SLC36A1: variants seen among roughly 807,000 people sequenced by gnomAD.
The protein encoded by SLC36A1 is solute carrier family 36 member 1.
Under a neutral mutation model 47.5 loss-of-function variants are expected in SLC36A1, and 30 were observed. The observed-to-expected ratio is 0.63, with a 90% CI of 0.47 to 0.86. The LOEUF (loss-of-function observed/expected upper bound fraction) is 0.86. Ranked by LOEUF, SLC36A1 falls within the 40% of genes least tolerant of loss-of-function variation. The probability of loss-of-function intolerance (pLI) is 0.00; values close to 1 mark genes in which losing one functional copy is unlikely to be tolerated. For missense variants in SLC36A1, 517 were observed against 606.0 expected (o/e 0.85, Z 1.54); for synonymous variants, 255 against 249.7 (o/e 1.02, Z -0.20).
the SLC36A1 span, chr5:151,540,849 T>C: frequency 8.2e-7 from 1 of 1,213,146 alleles, no homozygotes; most frequent in Non-Finnish European, 1.1e-6. Context: ...ATTGGATGCA[T>C]TTTTTAGAAT....
chr5:151,494,221 G>A (rs1204548726), downstream of SLC36A1, among the ~76,000 whole-genome samples: 3 of 152,140 alleles, frequency 2.0e-5, no homozygotes, highest in South Asian at 6.2e-4. Context: ...GCCCATTGCG[G>A]TTGTGCTGAG....
chr5:151,385,351 C>T, the SLC36A1 span, among the ~76,000 whole-genome samples: 1 of 152,182 alleles, frequency 6.6e-6, no homozygotes, highest in Admixed American at 6.5e-5. Flanking sequence ...ACCCTTCCCA[C>T]CTGGCCATGT....
At chr5:151,466,291 A>G (rs1756366816) in intron 5 of SLC36A1, among the ~76,000 whole-genome samples, 1 of 152,262 alleles carries the variant, frequency 6.6e-6, no homozygotes, top group African/African-American at 2.4e-5. Context: ...GTAAAAAGTG[A>G]AAGAAAATTT....
At chr5:151,359,331 C>T in the SLC36A1 span, among the ~76,000 whole-genome samples, 818 of 152,322 alleles carry the variant, frequency 5.4e-3, 9 homozygotes, top group African/African-American at 0.019. Context: ...GATACAACAT[C>T]GAATTGCAAG....
chr5:151,552,423 C>A, the SLC36A1 span, among the ~76,000 whole-genome samples: 1 of 152,180 alleles, frequency 6.6e-6, no homozygotes, highest in Non-Finnish European at 1.5e-5. Flanking sequence ...GGGCATATAT[C>A]CTATCCTACT....
chr5:151,507,510 A>G, the SLC36A1 span: 3 of 1,614,016 alleles, frequency 1.9e-6, no homozygotes, highest in Non-Finnish European at 1.7e-6. Flanking sequence ...CGCCACGGCC[A>G]CTGTGATGAT....
chr5:151,372,645 G>A, the SLC36A1 span, among the ~76,000 whole-genome samples: 1 of 152,026 alleles, frequency 6.6e-6, no homozygotes, highest in Non-Finnish European at 1.5e-5. Context: ...ACGGGGTCCT[G>A]CTGTGTTGCC....
At chr5:151,391,167 G>A in the SLC36A1 span, among the ~76,000 whole-genome samples, 317 of 152,098 alleles carry the variant, frequency 2.1e-3, 3 homozygotes, top group African/African-American at 7.2e-3. Context: ...TCTCTTTGAA[G>A]CAATTGTGAA....
the SLC36A1 span, among the ~76,000 whole-genome samples, chr5:151,366,018 A>G: frequency 4.6e-5 from 7 of 152,210 alleles, no homozygotes; most frequent in African/African-American, 1.7e-4. Context: ...TGGTCATCAT[A>G]GGAGAAAACA....
At chr5:151,400,512 G>A in the SLC36A1 span, among the ~76,000 whole-genome samples, 1 of 152,008 alleles carries the variant, frequency 6.6e-6, no homozygotes, top group South Asian at 2.1e-4. Context: ...TTTTCCTCTG[G>A]TATATACCCA....
chr5:151,383,140 T>C, the SLC36A1 span, among the ~76,000 whole-genome samples: 9 of 152,280 alleles, frequency 5.9e-5, no homozygotes, highest in Middle Eastern at 3.4e-3. Context: ...TGTACAGGAA[T>C]ACAAATCGGT....
At chr5:151,374,525 G>A in the SLC36A1 span, among the ~76,000 whole-genome samples, 3,053 of 152,316 alleles carry the variant, frequency 0.02, 109 homozygotes, top group African/African-American at 0.07. Flanking sequence ...GAATAGCACT[G>A]CAGTAAACAT....
chr5:151,367,598 G>A, the SLC36A1 span, among the ~76,000 whole-genome samples: 38 of 152,118 alleles, frequency 2.5e-4, no homozygotes, highest in African/African-American at 8.4e-4. Context: ...TCAAACACAC[G>A]TTTTACAATC....
At chr5:151,432,617 T>G (rs1759426990), upstream of SLC36A1, among the ~76,000 whole-genome samples, 1 of 152,186 alleles carries the variant, frequency 6.6e-6, no homozygotes. Context: ...AAGTCTCAAG[T>G]CAGTTGACCT....
rs1491554377 is a variant in SLC36A1, at chr5:151,458,311, C to CGTGTGT, written c.-5-475_-5-474insGTGTGT. Among the ~76,000 whole-genome samples, 136 of 43,898 alleles carry CGTGTGT rather than the reference C, an allele frequency of 3.1e-3. No individual in the cohort carries two copies. In the South Asian group the frequency reaches 0.032, roughly 10 times the overall value. The allele number at this position is 43,898 out of a possible 152,430, so 28.8% of individuals were successfully genotyped here. ...ATATATATACATACACGTGTATATA[C>CGTGTGT]GTATATATATATATATATATATGGG... On this transcript the variant is annotated intron_variant, in intron 1 of 10. Coordinates refer to ENST00000243389, the MANE Select transcript of SLC36A1 (RefSeq NM_078483.4).
At chr5:151,520,980 T>C in the SLC36A1 span, among the ~76,000 whole-genome samples, 1 of 152,238 alleles carries the variant, frequency 6.6e-6, no homozygotes, top group African/African-American at 2.4e-5. Context: ...GGGGTAGAGC[T>C]GGGATTTTAA....
chr5:151,554,754 T>C, the SLC36A1 span: 6 of 1,084,976 alleles, frequency 5.5e-6, no homozygotes, highest in Middle Eastern at 6.2e-4. Context: ...GAAATAGTAG[T>C]CACTTTGTTC....
chr5:151,477,102 C>T (rs373225325), intron 9 of SLC36A1: 21 of 380,810 alleles, frequency 5.5e-5, no homozygotes, highest in African/African-American at 3.1e-4. Flanking sequence ...TTCCCAGCAT[C>T]GGTTGTGCCT....
At chr5:151,535,985 A>G in the SLC36A1 span, among the ~76,000 whole-genome samples, 5 of 152,186 alleles carry the variant, frequency 3.3e-5, no homozygotes, top group African/African-American at 1.2e-4. Context: ...ATGAATTATG[A>G]TAGAGCTTTG....
Sources: allele counts gnomAD v4.1 joint callset (sites outside exome capture counted in the v4.1 genomes callset), GRCh38; gene constraint gnomAD v4.1.1; transcripts MANE v1.5; gene names NCBI Gene and HGNC (gene_info 2026-07-23, HGNC 2026-07-21).